UBE3C: variants seen among roughly 807,000 people sequenced by gnomAD.
The protein encoded by UBE3C is ubiquitin-protein ligase E3C.
A neutral mutation model predicts 129.4 loss-of-function variants in UBE3C; 42 were observed. The ratio of observed to expected loss-of-function variants is 0.32; its 90% CI spans 0.25 to 0.42. UBE3C has a LOEUF of 0.42. UBE3C is among the 10% of genes least tolerant of loss of function. UBE3C has a pLI of 1.00. For missense variants in UBE3C, 1,049 were observed against 1,319.1 expected (o/e 0.80, Z 3.17); for synonymous variants, 510 against 492.4 (o/e 1.04, Z -0.47).
intron 18 of UBE3C, among the ~76,000 whole-genome samples, chr7:157,246,296 C>T (rs1161239162): frequency 6.6e-6 from 1 of 152,208 alleles, no homozygotes; most frequent in Non-Finnish European, 1.5e-5. Flanking sequence ...AAGCAAAGGA[C>T]TCACTCCCCA....
At chr7:157,235,823 TATCTGATGACC>T (rs1796138543) in intron 18 of UBE3C, among the ~76,000 whole-genome samples, 1 of 152,222 alleles carries the variant, frequency 6.6e-6, no homozygotes, top group South Asian at 2.1e-4. Flanking sequence ...TTCCAAAACA[TATCTGATGACC>T]ATCTGATTAC....
At chr7:157,188,838 T>C (rs1423302534) in intron 10 of UBE3C, 3 of 436,508 alleles carry the variant, frequency 6.9e-6, no homozygotes, top group Non-Finnish European at 1.2e-5. Flanking sequence ...AGATGATTAG[T>C]ATATTCCCAG....
Position 157,267,874 on chromosome 7 carries a change from C to T in UBE3C, c.*119C>T. The T allele has an allele frequency of 7.8e-6, 6 of 766,422 alleles. No homozygotes were observed. Among genetic ancestry groups the T allele is most frequent in the Non-Finnish European group, 1.2e-5 (6 of 510,814 alleles). 47.5% of individuals were successfully genotyped at this position (766,422 alleles called of 1,614,324 possible). On this transcript the variant is annotated 3_prime_UTR_variant, in exon 23 of 23. Coordinates refer to ENST00000348165, the MANE Select transcript of UBE3C (RefSeq NM_014671.3). ...TGAGGCTCTCCTAAGCTCCTTCTTT[C>T]ATTCTGCCATTCCTCCCTCCCTTCC...
At chr7:157,193,162 T>G (rs1809020970) in intron 10 of UBE3C, among the ~76,000 whole-genome samples, 1 of 152,228 alleles carries the variant, frequency 6.6e-6, no homozygotes, top group Admixed American at 6.5e-5. Context: ...TTAAAATTTT[T>G]ATTAGTAAGG....
chr7:157,178,254 A>G lies in UBE3C; in HGVS notation c.459-436A>G, dbSNP rs568421720. Among the ~76,000 whole-genome samples, 8 of 152,262 alleles carry G rather than the reference A, an allele frequency of 5.3e-5. No individual in the cohort carries two copies. The South Asian group carries it at 1.7e-3, about 32-fold the overall frequency. ...GTTGACTTAGGACCAGAAATATATC[A>G]TTGTTCTATTTGGGGGATATTGCAG... On this transcript the variant is annotated intron_variant, in intron 5 of 22. Coordinates refer to ENST00000348165, the MANE Select transcript of UBE3C (RefSeq NM_014671.3).
rs1167167346 is a variant in UBE3C at position 157,268,038 on chromosome 7, G to A, written c.*283G>A. 8.0e-6 allele frequency: 2 copies of A among 248,494 alleles called. No individual in the cohort carries two copies. Among genetic ancestry groups the A allele is most frequent in the East Asian group, 1.0e-4 (1 of 9,650 alleles). The allele number at this position is 248,494 out of a possible 1,614,324, so 15.4% of individuals were successfully genotyped here. On this transcript the variant is annotated 3_prime_UTR_variant, in exon 23 of 23. Transcript: ENST00000348165. Reference sequence around the variant, plus strand: ...GAAGAGCACAGTTTTTACACTAGTGGCATCTCAGTGAAATTAACCAAAGAT... The same window carrying A: ...GAAGAGCACAGTTTTTACACTAGTGACATCTCAGTGAAATTAACCAAAGAT...
At chr7:157,179,113 CT>C (rs2116914288) in intron 6 of UBE3C, among the ~76,000 whole-genome samples, 1 of 151,638 alleles carries the variant, frequency 6.6e-6, no homozygotes, top group Admixed American at 6.6e-5. Flanking sequence ...TTGACATATG[CT>C]TTCATCAGTT....
chr7:157,198,357 C>T (rs1809181480), intron 10 of UBE3C: 3 of 771,088 alleles, frequency 3.9e-6, no homozygotes, highest in Non-Finnish European at 7.2e-6. Context: ...TCTTCCAAGG[C>T]CAGTTTATTT....
intron 1 of UBE3C, among the ~76,000 whole-genome samples, chr7:157,145,557 C>T (rs993465399): frequency 6.6e-6 from 1 of 152,106 alleles, no homozygotes; most frequent in Non-Finnish European, 1.5e-5. Flanking sequence ...CATATTCATC[C>T]ATCCCTCCCA....
chr7:157,175,847 C>A (rs1383354762), intron 5 of UBE3C, among the ~76,000 whole-genome samples: 1 of 152,052 alleles, frequency 6.6e-6, no homozygotes, highest in Non-Finnish European at 1.5e-5. Context: ...TGTATACATT[C>A]TTTTTGTGAA....
At chr7:157,196,184 A>T (rs62493391) in intron 10 of UBE3C, among the ~76,000 whole-genome samples, 17,543 of 152,248 alleles carry the variant, frequency 0.12, 1,249 homozygotes, top group African/African-American at 0.19. Flanking sequence ...GTTCTCTAGA[A>T]GGTGGAATGA....
intron 1 of UBE3C, among the ~76,000 whole-genome samples, chr7:157,151,576 A>G (rs1315105502): frequency 6.6e-6 from 1 of 152,134 alleles, no homozygotes; most frequent in East Asian, 1.9e-4. Context: ...CTGCTTGGAA[A>G]TGCTTAGGTT....
At chr7:157,192,450 C>G (rs1808995494) in intron 10 of UBE3C, 1 of 743,620 alleles carries the variant, frequency 1.3e-6, no homozygotes, top group Non-Finnish European at 2.5e-6. Context: ...AATGTAAAGG[C>G]CAAGATCCAG....
At chr7:157,182,523 AT>A (rs1808694333) in intron 8 of UBE3C, among the ~76,000 whole-genome samples, 195 bp downstream of exon 8, 1 of 152,116 alleles carries the variant, frequency 6.6e-6, no homozygotes, top group South Asian at 2.1e-4. Context: ...AGACTGACAT[AT>A]ATATGTGTCT....
chr7:157,196,220 C>T (rs959147743), intron 10 of UBE3C, among the ~76,000 whole-genome samples: 1 of 152,212 alleles, frequency 6.6e-6, no homozygotes, highest in Non-Finnish European at 1.5e-5. Flanking sequence ...TTCTCCTATG[C>T]AACGCTGCCG....
intron 1 of UBE3C, among the ~76,000 whole-genome samples, chr7:157,158,050 C>CTTTTTTTTT (rs60257662): frequency 4.0e-5 from 4 of 101,124 alleles, no homozygotes; most frequent in Non-Finnish European, 5.5e-5. Flanking sequence ...CTCTTTTTTC[C>CTTTTTTTTT]TTTTTTTTTT....
At chr7:157,256,676 A>C in intron 21 of UBE3C, 1 of 455,002 alleles carries the variant, frequency 2.2e-6, no homozygotes, top group Admixed American at 3.9e-5. Flanking sequence ...TGTGCTAAGC[A>C]ATATAGTGTC....
At chr7:157,185,227 A>G (rs1472341598) in intron 9 of UBE3C, among the ~76,000 whole-genome samples, 5 of 152,254 alleles carry the variant, frequency 3.3e-5, no homozygotes, top group African/African-American at 1.2e-4. Context: ...GTGGGTGTGC[A>G]AACACGATGA....
chr7:157,266,399 A>G (rs1469715975), intron 22 of UBE3C, among the ~76,000 whole-genome samples: 1 of 152,218 alleles, frequency 6.6e-6, no homozygotes, highest in African/African-American at 2.4e-5. Context: ...ATCAGATTCT[A>G]AATTTGAATT....
Sources: allele counts gnomAD v4.1 joint callset (sites outside exome capture counted in the v4.1 genomes callset), GRCh38; gene constraint gnomAD v4.1.1; transcripts MANE v1.5; gene names NCBI Gene and HGNC (gene_info 2026-07-23, HGNC 2026-07-21).